PBK: variants seen among roughly 807,000 people sequenced by gnomAD.
PBK encodes the protein PDZ binding kinase.
Under a neutral mutation model 33.5 loss-of-function variants are expected in PBK, and 22 were observed. The ratio of observed to expected loss-of-function variants is 0.66; its 90% CI spans 0.47 to 0.94. PBK has a LOEUF of 0.94. Ranked by LOEUF, PBK falls within the 40% of genes least tolerant of loss-of-function variation. The pLI, the probability that PBK is intolerant of heterozygous loss-of-function variation, is 0.00. For synonymous variants in PBK, 129 were observed against 123.8 expected (o/e 1.04, Z -0.28); for missense variants, 376 against 383.4 (o/e 0.98, Z 0.16).
At position 27,824,372 on chromosome 8, in the gene PBK, C is replaced by A. The variant is rs537027756; in HGVS notation, c.153-1167G>T. On this transcript the variant is annotated intron_variant, in intron 3 of 7. Coordinates refer to ENST00000301905, the MANE Select transcript of PBK (RefSeq NM_018492.4). ...GATTTATGAAATCTGAATACTCAAC[C>A]ATGCAAAAAGCTGGTTCATTAAAAA... is the stretch of plus-strand genomic sequence containing the variant. 2.6e-5 allele frequency among the ~76,000 whole-genome samples: 4 copies of A among 151,908 alleles called. No homozygotes were observed. The South Asian group carries it at 8.3e-4, about 32-fold the overall frequency.
At chr8:27,835,322 A>G (rs1046410791) in intron 1 of PBK, among the ~76,000 whole-genome samples, 1 of 152,188 alleles carries the variant, frequency 6.6e-6, no homozygotes, top group Non-Finnish European at 1.5e-5. Context: ...GTGTTTGTCA[A>G]GAGTATAATA....
chr8:27,825,053 C>A (rs907925729), intron 3 of PBK, among the ~76,000 whole-genome samples: 1 of 152,120 alleles, frequency 6.6e-6, no homozygotes, highest in African/African-American at 2.4e-5. Context: ...ATGGAAATAA[C>A]AGCAGAAGAG....
In PBK at chr8:27,823,077, T is replaced by A. The variant is rs779320923; in HGVS notation, c.281A>T (p.His94Leu). 2 of 1,593,864 alleles carry A rather than the reference T, an allele frequency of 1.3e-6. No individual in the cohort carries two copies. The highest frequency in any genetic ancestry group is 3.4e-5 in the Admixed American group (2 of 58,348). Residue 94 changes from histidine to leucine, a missense_variant, in exon 4 of 8, where the codon CAT becomes CTT. Coordinates refer to ENST00000301905, the MANE Select transcript of PBK (RefSeq NM_018492.4). ...DEAKILKSLH[H>L]PNIVGYRAFT... ...TTTAAACGTACCAACAATGTTTGGATGATGAAGGCTTTTCAAAATCTTAGC... is the reference window on the plus strand; with the variant it reads ...TTTAAACGTACCAACAATGTTTGGAAGATGAAGGCTTTTCAAAATCTTAGC...
chr8:27,820,591 G>C lies in PBK; in HGVS notation c.569C>G (p.Ser190Cys), dbSNP rs1263596685. 6.3e-7 allele frequency: 1 copy of C among 1,582,840 alleles called. No individual in the cohort carries two copies. Among genetic ancestry groups the C allele is most frequent in the Non-Finnish European group, 8.6e-7 (1 of 1,156,132 alleles). ...ETIKICDVGV[S>C]LPLDENMTVT... ...AGTCATATTTTCATCCAGTGGTAGA[G>C]AGACTCCTACATCACAGATTTTAAT... Residue 190 changes from serine to cysteine, a missense_variant, in exon 6 of 8, where the codon TCT becomes TGT. Physicochemically the swap from Ser to Cys is moderately radical, Grantham distance 112. Transcript: ENST00000301905.
At position 27,810,508 on chromosome 8, in the gene PBK, G is replaced by T. The variant is rs753757617; in HGVS notation, c.773-7C>A. ...CTTTCATCAAAAGTTTTATCTTGAAGGAGTTAGAGATTGAAACAATAAACA... is the reference window on the plus strand; with the variant it reads ...CTTTCATCAAAAGTTTTATCTTGAATGAGTTAGAGATTGAAACAATAAACA... On this transcript the variant is annotated splice_polypyrimidine_tract_variant and splice_region_variant and intron_variant, in intron 7 of 7. Coordinates refer to ENST00000301905, the MANE Select transcript of PBK (RefSeq NM_018492.4). 1 of 1,564,476 alleles carries T rather than the reference G, an allele frequency of 6.4e-7. No individual in the cohort carries two copies. Among genetic ancestry groups the T allele is most frequent in the Non-Finnish European group, 8.8e-7 (1 of 1,141,036 alleles).
chr8:27,815,768 C>T (rs937099452), intron 6 of PBK, among the ~76,000 whole-genome samples: 1 of 152,076 alleles, frequency 6.6e-6, no homozygotes, highest in African/African-American at 2.4e-5. Flanking sequence ...TACAGTTCTC[C>T]AAGTCTGTAA....
intron 6 of PBK, chr8:27,812,693 T>C (rs1805716202): frequency 6.7e-6 from 1 of 150,162 alleles, no homozygotes; most frequent in Non-Finnish European, 1.5e-5. Flanking sequence ...AAAGAAGACA[T>C]TTATGCAGCC....
intron 3 of PBK, among the ~76,000 whole-genome samples, chr8:27,826,331 A>G (rs531061554): frequency 1.2e-4 from 18 of 152,338 alleles, no homozygotes; most frequent in African/African-American, 4.3e-4. Context: ...CTGTGCACCG[A>G]TTCATGGGGA....
chr8:27,828,744 CAAAAAAAAAAA>C (rs34388320), intron 2 of PBK, among the ~76,000 whole-genome samples: 34 of 82,604 alleles, frequency 4.1e-4, no homozygotes, highest in African/African-American at 1.5e-3. Flanking sequence ...GACACAGTCT[CAAAAAAAAAAA>C]AAAAAAAAAA....
chr8:27,826,682 G>C (rs1806030026), intron 3 of PBK, among the ~76,000 whole-genome samples: 1 of 141,292 alleles, frequency 7.1e-6, no homozygotes, highest in African/African-American at 2.8e-5. Flanking sequence ...TGTAGTCCCA[G>C]CTACTCGGGA....
chr8:27,833,334 ACC>A (rs1002259716), intron 1 of PBK, among the ~76,000 whole-genome samples: 5 of 151,970 alleles, frequency 3.3e-5, no homozygotes, highest in Non-Finnish European at 7.4e-5. Flanking sequence ...ATATGGAGAA[ACC>A]CCGTCTCTAC....
intron 5 of PBK, 129 bp from the exon 6 acceptor site, chr8:27,820,823 A>ATTT: frequency 2.2e-6 from 1 of 450,496 alleles, no homozygotes; most frequent in East Asian, 4.6e-5. Flanking sequence ...AGCGTTTCAA[A>ATTT]ATTTTTTTTT....
intron 3 of PBK, among the ~76,000 whole-genome samples, chr8:27,824,912 C>T (rs957252030): frequency 2.0e-5 from 3 of 152,056 alleles, no homozygotes; most frequent in African/African-American, 4.8e-5. Context: ...GAAATGCAAA[C>T]TTGATTTAAC....
chr8:27,836,251 C>T (rs1288797988), intron 1 of PBK, among the ~76,000 whole-genome samples: 1 of 151,604 alleles, frequency 6.6e-6, no homozygotes, highest in Admixed American at 6.6e-5. Context: ...CACGAAGAGG[C>T]GAGCTAGCAA....
intron 3 of PBK, among the ~76,000 whole-genome samples, chr8:27,825,517 T>G (rs1056322665): frequency 2.7e-5 from 4 of 150,318 alleles, no homozygotes; most frequent in Admixed American, 2.6e-4. Flanking sequence ...CCCACCCCCC[T>G]TCCCCAGCTT....
chr8:27,810,945 A>G lies in PBK; in HGVS notation c.772+13T>C. On this transcript the variant is annotated intron_variant, in intron 7 of 7. Coordinates refer to ENST00000301905, the MANE Select transcript of PBK (RefSeq NM_018492.4). ...GAAGAGATTGGGATTTATGTTAGAA[A>G]TTGTATTCATACCTTCATCATCATC... 6.8e-7 allele frequency: 1 copy of G among 1,468,688 alleles called. No individual in the cohort carries two copies. Among genetic ancestry groups the G allele is most frequent in the South Asian group, 1.1e-5 (1 of 87,910 alleles). 91.0% of individuals were successfully genotyped at this position (1,468,688 alleles called of 1,614,324 possible).
At chr8:27,835,658 T>C (rs1806214853) in intron 1 of PBK, among the ~76,000 whole-genome samples, 1 of 152,066 alleles carries the variant, frequency 6.6e-6, no homozygotes, top group Non-Finnish European at 1.5e-5. Flanking sequence ...TTCAAGCAAT[T>C]CTCCTGCCTC....
intron 6 of PBK, among the ~76,000 whole-genome samples, chr8:27,813,835 A>G (rs546774940): frequency 6.6e-6 from 1 of 152,322 alleles, no homozygotes; most frequent in East Asian, 1.9e-4. Context: ...CTCATGTAGT[A>G]TTAGACTGAA....
chr8:27,817,149 C>CTG (rs1805833472), intron 6 of PBK, among the ~76,000 whole-genome samples: 1 of 152,128 alleles, frequency 6.6e-6, no homozygotes, highest in South Asian at 2.1e-4. Flanking sequence ...GGTAAAGGAG[C>CTG]TGCCAACACA....
Sources: gnomAD v4.1 joint callset for allele counts (sites outside exome capture counted in the v4.1 genomes callset) on GRCh38, gnomAD v4.1.1 for gene constraint, MANE v1.5 for transcripts, NCBI Gene and HGNC (gene_info 2026-07-23, HGNC 2026-07-21) for gene names.